Variants in TNFRSF1B observed in about 807,000 individuals in gnomAD.
TNFRSF1B encodes the protein tumor necrosis factor receptor superfamily member 1B.
Under a neutral mutation model 44.6 loss-of-function variants are expected in TNFRSF1B, and 19 were observed. That is an observed-to-expected ratio of 0.43 (90% CI 0.30 to 0.62). The LOEUF (loss-of-function observed/expected upper bound fraction) is 0.62. TNFRSF1B is among the 20% of genes least tolerant of loss of function. TNFRSF1B has a pLI of 0.16. For missense variants in TNFRSF1B, 541 were observed against 619.9 expected (o/e 0.87, Z 1.35); for synonymous variants, 252 against 261.1 (o/e 0.97, Z 0.34).
At chr1:12,192,355 C>T in intron 4 of TNFRSF1B, 76 bp from the exon 5 acceptor site, 1 of 1,407,416 alleles carries the variant, frequency 7.1e-7, no homozygotes, top group Non-Finnish European at 1.0e-6. Flanking sequence ...CAGACCTCTC[C>T]TAGGGCTCTA....
intron 7 of TNFRSF1B, 88 bp from the exon 8 acceptor site, chr1:12,194,496 G>C: frequency 6.8e-7 from 1 of 1,468,270 alleles, no homozygotes; most frequent in Non-Finnish European, 9.5e-7. Context: ...CTCTCTGCTG[G>C]TTCTATGGGG....
intron 1 of TNFRSF1B, among the ~76,000 whole-genome samples, chr1:12,181,941 C>T (rs1293066303): frequency 6.6e-6 from 1 of 151,852 alleles, no homozygotes; most frequent in Non-Finnish European, 1.5e-5. Flanking sequence ...CAGGGCTGGT[C>T]CTTTTGCTTA....
intron 1 of TNFRSF1B, among the ~76,000 whole-genome samples, chr1:12,179,445 G>A (rs1247344683): frequency 1.3e-5 from 2 of 152,178 alleles, no homozygotes; most frequent in Middle Eastern, 3.2e-3. Context: ...GGGGCCCCGC[G>A]ACCCGCCATG....
chr1:12,192,965 G>T lies in TNFRSF1B; in HGVS notation c.654G>T (p.Gln218His). 6.2e-7 allele frequency: 1 copy of T among 1,614,166 alleles called. No individual in the cohort carries two copies. The highest frequency in any genetic ancestry group is 2.2e-5 in the East Asian group (1 of 44,876). ...SMAPGAVHLPQPVSTRSQHTQ... is the reference protein window; with the variant it reads ...SMAPGAVHLPHPVSTRSQHTQ... ...CCCCAGGGGCAGTACACTTACCCCA[G>T]CCAGTGTCCACACGATCCCAACACA... The change falls in exon 6 of 10, where the codon CAG becomes CAT. Residue 218 changes from glutamine (Q) to histidine (H), a missense_variant. Coordinates refer to ENST00000376259, the MANE Select transcript of TNFRSF1B (RefSeq NM_001066.3).
At position 12,167,112 on chromosome 1, in the gene TNFRSF1B, G is replaced by A; in HGVS notation, c.21G>A (p.Trp7Ter). ...CACCCATGGCGCCCGTCGCCGTCTG[G>A]GCCGCGCTGGCCGTCGGACTGGAGC... is the stretch of plus-strand genomic sequence containing the variant. The part of the protein sequence containing the change: MAPVAV[W>*]AALAVGLELW... The change falls in exon 1 of 10, where the codon TGG becomes TGA. Residue 7 changes from tryptophan (W) to a stop codon, truncating the protein, a stop_gained. Transcript: ENST00000376259. LOFTEE classifies it high-confidence loss of function. 1 of 1,346,406 alleles carries A rather than the reference G, an allele frequency of 7.4e-7. No homozygotes were observed. Among genetic ancestry groups the A allele is most frequent in the Non-Finnish European group, 9.6e-7 (1 of 1,044,820 alleles). 83.4% of individuals were successfully genotyped at this position (1,346,406 alleles called of 1,614,324 possible). A position where few individuals can be genotyped will look rare whatever the true frequency, so the allele number is the denominator to read the frequency against.
In TNFRSF1B at chr1:12,202,190, C is replaced by T. The variant is rs769170322; in HGVS notation, c.1105+19C>T. On this transcript the variant is annotated intron_variant, in intron 9 of 9. Coordinates refer to ENST00000376259, the MANE Select transcript of TNFRSF1B (RefSeq NM_001066.3). ...AGCTCAGGTAAGAGGTGGGAGCACA[C>T]CTGGCTTCTTCCCAAGCCTCCTTGG... 2.2e-5 allele frequency: 34 copies of T among 1,539,172 alleles called. No homozygotes were observed. The highest frequency in any genetic ancestry group is 3.0e-5 in the Non-Finnish European group (34 of 1,146,552).
At chr1:12,179,056 C>T (rs1055963036) in intron 1 of TNFRSF1B, among the ~76,000 whole-genome samples, 2 of 152,022 alleles carry the variant, frequency 1.3e-5, no homozygotes, top group African/African-American at 4.8e-5. Flanking sequence ...GGGCGTCTCT[C>T]ATTAGACTCA....
In TNFRSF1B at chr1:12,178,524, C is replaced by T. The variant is rs899476375; in HGVS notation, c.79-10272C>T. Among the ~76,000 whole-genome samples, 3 of 152,092 alleles carry T rather than the reference C, an allele frequency of 2.0e-5. No individual in the cohort carries two copies. Among genetic ancestry groups the T allele is most frequent in the African/African-American group, 4.8e-5 (2 of 41,384 alleles). ...AGGGTGTCAAGGTTGCGGGGAGGCA[C>T]GAGGGAACCAATAATTAACCAAAAC... is the stretch of plus-strand genomic sequence containing the variant. On this transcript the variant is annotated intron_variant, in intron 1 of 9. Transcript: ENST00000376259. The surrounding 1 kb of genome is among the most constrained non-coding windows in gnomAD (Gnocchi z 4.3).
intron 1 of TNFRSF1B, among the ~76,000 whole-genome samples, chr1:12,179,260 C>G (rs908221890): frequency 8.5e-5 from 13 of 152,160 alleles, no homozygotes; most frequent in African/African-American, 3.1e-4. Context: ...GTGGTCAGTC[C>G]TTCCTAACGC....
chr1:12,169,924 C>G lies in TNFRSF1B; in HGVS notation c.78+2755C>G, dbSNP rs946665753. Among the ~76,000 whole-genome samples the G allele has an allele frequency of 6.6e-6, 1 of 152,278 alleles. No homozygotes were observed. The highest frequency in any genetic ancestry group is 1.9e-4 in the East Asian group (1 of 5,178). On this transcript the variant is annotated intron_variant, in intron 1 of 9. Transcript: ENST00000376259. The surrounding 1 kb of genome is among the most constrained non-coding windows in gnomAD (Gnocchi z 4.5). ...GGTGCCACTATTTGCCTCCTCATCA[C>G]CCAGGGCCTGGGGCCAGTTTGGGTT...
At chr1:12,182,166 TG>T (rs1341131096) in intron 1 of TNFRSF1B, among the ~76,000 whole-genome samples, 1 of 152,186 alleles carries the variant, frequency 6.6e-6, no homozygotes, top group African/African-American at 2.4e-5. Flanking sequence ...TTTCTTCATC[TG>T]TAACTTGGGA....
At position 12,191,815 on chromosome 1, in the gene TNFRSF1B, A is replaced by T. The variant is rs1193903255; in HGVS notation, c.349A>T (p.Ile117Phe). The change falls in exon 4 of 10, where the codon ATC becomes TTC. Residue 117 changes from isoleucine to phenylalanine, a missense_variant. Transcript: ENST00000376259. ...AGCCTGCACTCGGGAACAGAACCGC[A>T]TCTGCACCTGCAGGCCCGGCTGGTA... ...TQACTREQNR[I>F]CTCRPGWYCA... The T allele has an allele frequency of 7.4e-6, 12 of 1,613,380 alleles. No individual in the cohort carries two copies. The highest frequency in any genetic ancestry group is 1.0e-5 in the Non-Finnish European group (12 of 1,179,820).
At position 12,202,067 on chromosome 1, in the gene TNFRSF1B, C is replaced by G. The variant is rs575084050; in HGVS notation, c.1001C>G (p.Ser334Trp). ...TCCAGCAGCAGCTCCCTGGAGAGCT[C>G]GGCCAGTGCGTTGGACAGAAGGGCG... Reference protein sequence around the residue: ...PSSSSSSLESSASALDRRAPT... With the variant: ...PSSSSSSLESWASALDRRAPT... Residue 334 changes from serine to tryptophan, a missense_variant, in exon 9 of 10, where the codon TCG becomes TGG. Transcript: ENST00000376259. 3 of 1,601,078 alleles carry G rather than the reference C, an allele frequency of 1.9e-6. No individual in the cohort carries two copies. The highest frequency in any genetic ancestry group is 2.6e-6 in the Non-Finnish European group (3 of 1,174,600).
intron 7 of TNFRSF1B, 34 bp from the exon 8 acceptor site, chr1:12,194,550 T>C: frequency 1.2e-6 from 2 of 1,613,862 alleles, no homozygotes; most frequent in South Asian, 1.1e-5. Context: ...CCTGAGGAAG[T>C]CAATCTCTTA....
chr1:12,205,186 G>T (rs1389167527), intron 9 of TNFRSF1B, among the ~76,000 whole-genome samples: 1 of 152,086 alleles, frequency 6.6e-6, no homozygotes, highest in Admixed American at 6.5e-5. Flanking sequence ...GGTGGAGGGC[G>T]CTTCGTGGAG....
chr1:12,183,217 C>T (rs17037696), intron 1 of TNFRSF1B, among the ~76,000 whole-genome samples: 32,086 of 152,068 alleles, frequency 0.21, 3,528 homozygotes, highest in South Asian at 0.26. Flanking sequence ...AGATGGGAGG[C>T]GGCTCAGAGA....
chr1:12,208,337 C>T lies in TNFRSF1B; in HGVS notation c.*1317C>T, dbSNP rs1639559837. 1 of 152,822 alleles carries T rather than the reference C, an allele frequency of 6.5e-6. No individual in the cohort carries two copies. The highest frequency in any genetic ancestry group is 2.4e-5 in the African/African-American group (1 of 41,480). 9.5% of individuals were successfully genotyped at this position (152,822 alleles called of 1,614,324 possible). ...GAGGGGTGGGTTCCTCTTCCCCACT[C>T]CCCACCTTCAATTCCTGGGCCCCAA... On this transcript the variant is annotated 3_prime_UTR_variant, in exon 10 of 10. Transcript: ENST00000376259.
At chr1:12,183,751 A>AT (rs1557629268) in intron 1 of TNFRSF1B, among the ~76,000 whole-genome samples, 30 of 125,160 alleles carry the variant, frequency 2.4e-4, no homozygotes, top group Non-Finnish European at 3.0e-4. Flanking sequence ...CTATCTATCT[A>AT]GCTAGCTAGC....
intron 7 of TNFRSF1B, 29 bp downstream of exon 7, chr1:12,194,061 C>A: frequency 6.3e-7 from 1 of 1,599,992 alleles, no homozygotes; most frequent in Non-Finnish European, 8.6e-7. Context: ...TTCCTTCATC[C>A]ACTTGTTCAG....
Sources: gnomAD v4.1 joint callset for allele counts (sites outside exome capture counted in the v4.1 genomes callset) on GRCh38, gnomAD v4.1.1 for gene constraint, Gnocchi (gnomAD v3.1) non-coding constraint, MANE v1.5 for transcripts, NCBI Gene and HGNC (gene_info 2026-07-23, HGNC 2026-07-21) for gene names.